NIN: variants seen among roughly 807,000 people sequenced by gnomAD.
NIN encodes glycogen synthase kinase 3 beta-interacting protein.
Under a neutral mutation model 257.6 loss-of-function variants are expected in NIN, and 137 were observed. The observed-to-expected ratio is 0.53, with a 90% CI of 0.46 to 0.61. The LOEUF (loss-of-function observed/expected upper bound fraction) is 0.61. Among genes scored for constraint, NIN ranks in the 20% least tolerant of loss-of-function variants. The pLI is 0.00. For missense variants in NIN, 2,439 were observed against 2,501.2 expected, an observed-to-expected ratio of 0.98 and a Z score of 0.53; for synonymous variants, 918 against 919.8, an observed-to-expected ratio of 1.00 and a Z score of 0.04.
chr14:50,725,800 G>C, intron 30 of NIN, 153 bp downstream of exon 30: 1 of 1,396,310 alleles, frequency 7.2e-7, no homozygotes, highest in African/African-American at 1.4e-5. Context: ...TGATATGAGG[G>C]ATAGCAAATC....
chr14:50,828,395 T>C (rs1047388351), intron 2 of NIN, among the ~76,000 whole-genome samples: 8 of 152,220 alleles, frequency 5.3e-5, no homozygotes, highest in African/African-American at 1.9e-4. Flanking sequence ...GATGCTCACT[T>C]TCAGAATCTC....
At position 50,766,819 on chromosome 14, in the gene NIN, G is replaced by C; in HGVS notation, c.1506C>G (p.Asn502Lys). The change falls in exon 13 of 31, where the codon AAC becomes AAG. Residue 502 changes from asparagine to lysine, a missense_variant. This residue lies in a region of NIN where 2,043 missense variants were observed against 2,050.2 expected (regional missense o/e 1.00). Coordinates refer to ENST00000530997, the MANE Select transcript of NIN (RefSeq NM_020921.4). ...CATTTTCCAAATTTCTCTGAAGTTT[G>C]TTTGTCAGATTCTCATATTCTGCCA... ...EKLAEYENLT[N>K]KLQRNLENVL... 6.2e-7 allele frequency: 1 copy of C among 1,613,864 alleles called. No homozygotes were observed. Among genetic ancestry groups the C allele is most frequent in the Non-Finnish European group, 8.5e-7 (1 of 1,179,874 alleles).
At chr14:50,779,707 G>A (rs941962423) in intron 5 of NIN, among the ~76,000 whole-genome samples, 12 of 151,378 alleles carry the variant, frequency 7.9e-5, no homozygotes, top group Admixed American at 5.9e-4. Flanking sequence ...GCAGTAAGCC[G>A]AGATCGCGCC....
Position 50,756,756 on chromosome 14 carries a change from A to T in NIN, c.4274T>A (p.Val1425Glu), listed in dbSNP as rs2042044491. The T allele has an allele frequency of 1.3e-6, 2 of 1,551,312 alleles. No homozygotes were observed. Among genetic ancestry groups the T allele is most frequent in the Non-Finnish European group, 1.7e-6 (2 of 1,146,936 alleles). ...TTCCTCCAGTATAACTTGATTCTGT[A>T]CTCTTGGCCTTTCTTGATGTGTCTG... ...TIQTHQERPR[V>E]QNQVILEENT... The change falls in exon 18 of 31, where the codon GTA becomes GAA. Residue 1425 changes from valine to glutamate, a missense_variant. This residue lies in a region of NIN where 2,043 missense variants were observed against 2,050.2 expected (regional missense o/e 1.00). Transcript: ENST00000530997.
At chr14:50,761,695 T>C in intron 16 of NIN, 95 bp downstream of exon 16, 1 of 1,403,318 alleles carries the variant, frequency 7.1e-7, no homozygotes, top group East Asian at 2.3e-5. Flanking sequence ...TAGAATGTGC[T>C]GCTCTATGAG....
intron 3 of NIN, among the ~76,000 whole-genome samples, chr14:50,811,398 C>T (rs891290179): frequency 4.0e-5 from 6 of 151,668 alleles, no homozygotes; most frequent in African/African-American, 1.2e-4. Flanking sequence ...TGTGAGCCAT[C>T]GCGCCCGGCC....
intron 3 of NIN, among the ~76,000 whole-genome samples, chr14:50,814,725 G>T (rs2044799374): frequency 6.6e-6 from 1 of 152,114 alleles, no homozygotes; most frequent in South Asian, 2.1e-4. Context: ...AGAAAACTCA[G>T]AAATAAGACT....
rs540411190 is a variant in NIN at position 50,732,452 on chromosome 14, G to A, written c.5878-2729C>T. On this transcript the variant is annotated intron_variant, in intron 28 of 30. Transcript: ENST00000530997. ...TATAAATAAAAATCCAATTTGTAGC[G>A]CTGGAGAGGGGGAATGGTTAATGCT... 7.2e-5 allele frequency among the ~76,000 whole-genome samples: 11 copies of A among 152,270 alleles called. No homozygotes were observed. In the East Asian group the frequency reaches 1.7e-3, roughly 24 times the overall value.
At chr14:50,822,798 A>G (rs2045288019) in intron 2 of NIN, among the ~76,000 whole-genome samples, 1 of 152,236 alleles carries the variant, frequency 6.6e-6, no homozygotes, top group Non-Finnish European at 1.5e-5. Context: ...GTGTGACGGG[A>G]AGAATATTCC....
intron 14 of NIN, among the ~76,000 whole-genome samples, chr14:50,765,984 T>A (rs2042469682): frequency 6.6e-6 from 1 of 151,190 alleles, no homozygotes; most frequent in African/African-American, 2.4e-5. Context: ...TATCTCCCGG[T>A]GCTATCCCTC....
At chr14:50,803,470 T>C (rs2044186096) in intron 4 of NIN, among the ~76,000 whole-genome samples, 2 of 152,218 alleles carry the variant, frequency 1.3e-5, no homozygotes, top group Non-Finnish European at 2.9e-5. Context: ...CAGGTAAAAC[T>C]TGCTTTTCAT....
rs1348249491 is a variant in NIN at position 50,766,321 on chromosome 14, C to G, written c.1621G>C (p.Glu541Gln). ...ERLTQMRNEY[E>Q]RQCRVLQDQV... ...TGTCTACCTACCCTGCACTGCCGCT[C>G]ATATTCATTTCTCATCTGTGTCAGT... Residue 541 changes from glutamate to glutamine, a missense_variant, in exon 14 of 31, where the codon GAG becomes CAG. By Grantham distance (29) the Glu-to-Gln change is conservative. Transcript: ENST00000530997. 6.2e-7 allele frequency: 1 copy of G among 1,613,920 alleles called. No individual in the cohort carries two copies. The highest frequency in any genetic ancestry group is 1.7e-5 in the Admixed American group (1 of 60,008).
At chr14:50,791,235 G>A (rs1297542795) in intron 5 of NIN, among the ~76,000 whole-genome samples, 1 of 152,192 alleles carries the variant, frequency 6.6e-6, no homozygotes, top group Non-Finnish European at 1.5e-5. Context: ...ACTGAAGTAT[G>A]TAAATTACTT....
chr14:50,822,755 A>T (rs757147597), intron 2 of NIN, among the ~76,000 whole-genome samples: 6 of 152,234 alleles, frequency 3.9e-5, no homozygotes, highest in Non-Finnish European at 8.8e-5. Flanking sequence ...TCAAAAAGCA[A>T]CTCAATTAAC....
intron 21 of NIN, among the ~76,000 whole-genome samples, chr14:50,750,489 A>G (rs918583028): frequency 1.3e-5 from 2 of 152,248 alleles, no homozygotes; most frequent in African/African-American, 2.4e-5. Context: ...CTAGTAAGAC[A>G]TATAGTAGTT....
intron 3 of NIN, among the ~76,000 whole-genome samples, chr14:50,812,581 T>C (rs2044685041): frequency 6.6e-6 from 1 of 152,210 alleles, no homozygotes; most frequent in South Asian, 2.1e-4. Flanking sequence ...GGAAGGTTTA[T>C]TAGTAACTAC....
In NIN at chr14:50,766,321, C is replaced by T; in HGVS notation, c.1621G>A (p.Glu541Lys). The change falls in exon 14 of 31, where the codon GAG becomes AAG. Residue 541 changes from glutamate (E) to lysine (K), a missense_variant. Physicochemically the swap from Glu to Lys is moderately conservative, Grantham distance 56 (BLOSUM62 1). Around this residue, in one of 3 missense-constraint regions of NIN, gnomAD observed 2,043 missense variants for 2,050.2 expected, o/e 1.00. Coordinates refer to ENST00000530997, the MANE Select transcript of NIN (RefSeq NM_020921.4). ...TGTCTACCTACCCTGCACTGCCGCT[C>T]ATATTCATTTCTCATCTGTGTCAGT... ...ERLTQMRNEY[E>K]RQCRVLQDQV... The T allele has an allele frequency of 6.2e-7, 1 of 1,613,920 alleles. No individual in the cohort carries two copies. Among genetic ancestry groups the T allele is most frequent in the Non-Finnish European group, 8.5e-7 (1 of 1,179,846 alleles).
At chr14:50,772,529 T>C (rs1277092369) in intron 8 of NIN, 61 bp from the exon 9 acceptor site, 4 of 1,509,690 alleles carry the variant, frequency 2.6e-6, no homozygotes, top group Non-Finnish European at 2.8e-6. Flanking sequence ...AACAAGATAT[T>C]GGTCAGCCCT....
intron 18 of NIN, among the ~76,000 whole-genome samples, chr14:50,756,255 G>A (rs890754605): frequency 1.9e-4 from 29 of 151,994 alleles, no homozygotes; most frequent in African/African-American, 7.0e-4. Context: ...GCAAACACTC[G>A]CCATTGTGAA....
Sources: gnomAD v4.1 joint callset for allele counts (sites outside exome capture counted in the v4.1 genomes callset) on GRCh38, gnomAD v4.1.1 for gene constraint, gnomAD v4.1.1 regional missense constraint, MANE v1.5 for transcripts, NCBI Gene and HGNC (gene_info 2026-07-23, HGNC 2026-07-21) for gene names.